GRM7: variants seen among roughly 807,000 people sequenced by gnomAD.
GRM7 encodes glutamate metabotropic receptor 7, also known as metabotropic glutamate receptor 7.
GRM7 carries 35 observed loss-of-function variants against 84.5 expected under a neutral mutation model. The ratio of observed to expected loss-of-function variants is 0.41; its 90% confidence interval spans 0.32 to 0.55. GRM7 has a LOEUF of 0.55. GRM7 is among the 20% of genes least tolerant of loss of function. The pLI is 0.19. For missense variants in GRM7, 1,003 were observed against 1,194.6 expected (o/e 0.84, Z 2.36); for synonymous variants, 487 against 455.1 (o/e 1.07, Z -0.89).
chr3:7,195,837 C>T (rs937317166), intron 2 of GRM7, among the ~76,000 whole-genome samples: 20 of 152,040 alleles, frequency 1.3e-4, no homozygotes, highest in African/African-American at 4.6e-4. Context: ...AAGGCAGTTA[C>T]CTACAGTGGC....
intron 8 of GRM7, among the ~76,000 whole-genome samples, chr3:7,632,349 C>T (rs1318238059): frequency 1.3e-5 from 2 of 152,224 alleles, no homozygotes; most frequent in Non-Finnish European, 2.9e-5. Flanking sequence ...TGTGATGGTG[C>T]TTTGCATGTT....
At chr3:7,269,473 C>T (rs931846263) in intron 2 of GRM7, among the ~76,000 whole-genome samples, 1 of 152,056 alleles carries the variant, frequency 6.6e-6, no homozygotes, top group Non-Finnish European at 1.5e-5. Flanking sequence ...TGTTTAATTG[C>T]TCTGGGTTGG....
chr3:7,447,628 G>A (rs937536635), intron 5 of GRM7, among the ~76,000 whole-genome samples: 3 of 152,072 alleles, frequency 2.0e-5, no homozygotes, highest in Admixed American at 1.3e-4. Context: ...GAGTAGTTGC[G>A]GGGTGCGTGG....
At chr3:7,148,532 C>A (rs1434415813) in intron 2 of GRM7, among the ~76,000 whole-genome samples, 1 of 152,042 alleles carries the variant, frequency 6.6e-6, no homozygotes, top group East Asian at 1.9e-4. Flanking sequence ...GCTTTCCTTG[C>A]CTTGGGATCA....
intron 2 of GRM7, among the ~76,000 whole-genome samples, chr3:7,233,566 G>C (rs1309825446): frequency 1.3e-5 from 2 of 152,060 alleles, no homozygotes; most frequent in Non-Finnish European, 2.9e-5. Context: ...GTCTGTAACA[G>C]CTATTTTGAA....
chr3:6,979,599 A>G (rs1694121168), intron 1 of GRM7, among the ~76,000 whole-genome samples: 1 of 152,238 alleles, frequency 6.6e-6, no homozygotes, highest in Admixed American at 6.5e-5. Flanking sequence ...AGATCACAGA[A>G]TAACAGTACT....
At chr3:7,681,776 C>A (rs958551289) in intron 9 of GRM7, 1 of 152,158 alleles carries the variant, frequency 6.6e-6, no homozygotes, top group Non-Finnish European at 1.5e-5. Context: ...ATTTACCAGC[C>A]ATGTGGCATT....
chr3:7,024,767 T>G (rs1575143371), intron 1 of GRM7, among the ~76,000 whole-genome samples: 1 of 152,202 alleles, frequency 6.6e-6, no homozygotes, highest in Admixed American at 6.5e-5. Context: ...GAAAATCTTC[T>G]CCTAGAACTG....
At chr3:7,632,444 A>T (rs1256972429) in intron 8 of GRM7, among the ~76,000 whole-genome samples, 1 of 152,236 alleles carries the variant, frequency 6.6e-6, no homozygotes, top group Non-Finnish European at 1.5e-5. Context: ...ATATGGGGAA[A>T]TTAATGTGCA....
chr3:7,428,940 A>G (rs1696719247), intron 5 of GRM7, among the ~76,000 whole-genome samples: 1 of 152,198 alleles, frequency 6.6e-6, no homozygotes, highest in South Asian at 2.1e-4. Context: ...GTTTGCAGGT[A>G]TGTTTAAAAC....
chr3:7,064,479 T>TATATATATGTATATATATATATATAC lies in GRM7; in HGVS notation c.520-81972_520-81971insTATATATGTATATATATATATATACA. On this transcript the variant is annotated intron_variant, in intron 1 of 9. Transcript: ENST00000357716. Reference sequence around the variant, plus strand: ...ATATATATACATATATATATATATATACACACATATACATATATATATACA... The same window carrying TATATATATGTATATATATATATATAC: ...ATATATATACATATATATATATATATATATATATGTATATATATATATATACACACACATATACATATATATATACA... Among the ~76,000 whole-genome samples, 15 of 99,380 alleles carry TATATATATGTATATATATATATATAC rather than the reference T, an allele frequency of 1.5e-4. 1 individual carries two copies. Among genetic ancestry groups the TATATATATGTATATATATATATATAC allele is most frequent in the African/African-American group, 5.4e-4 (14 of 25,722 alleles). 65.2% of individuals were successfully genotyped at this position (99,380 alleles called of 152,430 possible).
intron 2 of GRM7, among the ~76,000 whole-genome samples, chr3:7,192,037 T>C (rs917924023): frequency 6.6e-6 from 1 of 152,122 alleles, no homozygotes; most frequent in African/African-American, 2.4e-5. Context: ...CAGAACTCTC[T>C]ACTGAGAATG....
At chr3:7,321,288 A>C (rs560319833) in intron 4 of GRM7, among the ~76,000 whole-genome samples, 9 of 152,214 alleles carry the variant, frequency 5.9e-5, no homozygotes, top group Non-Finnish European at 1.2e-4. Flanking sequence ...TTAAATTTAG[A>C]TAAGAATCCT....
At chr3:7,610,472 A>AGGTATTTTTCATTTATGTTTTC (rs1696801305) in intron 8 of GRM7, among the ~76,000 whole-genome samples, 2 of 152,318 alleles carry the variant, frequency 1.3e-5, no homozygotes, top group South Asian at 4.1e-4. Context: ...TGGTGTCATA[A>AGGTATTTTTCATTTATGTTTTC]GGTATTTTTC....
intron 2 of GRM7, among the ~76,000 whole-genome samples, chr3:7,190,769 A>C (rs926512608): frequency 6.6e-6 from 1 of 152,076 alleles, no homozygotes; most frequent in Admixed American, 6.6e-5. Flanking sequence ...TGAAGCCTCA[A>C]TTAACTCACA....
At chr3:7,012,283 C>T (rs1695400567) in intron 1 of GRM7, among the ~76,000 whole-genome samples, 1 of 152,210 alleles carries the variant, frequency 6.6e-6, no homozygotes. Context: ...CTCAGCTCCA[C>T]ATCCTTGCCT....
intron 7 of GRM7, among the ~76,000 whole-genome samples, chr3:7,502,538 C>T (rs1289385918): frequency 1.3e-5 from 2 of 151,992 alleles, no homozygotes; most frequent in Non-Finnish European, 2.9e-5. Flanking sequence ...AAGCATAATT[C>T]GAAGATGAAA....
intron 1 of GRM7, among the ~76,000 whole-genome samples, chr3:6,902,418 A>G (rs1431273116): frequency 6.6e-6 from 1 of 152,150 alleles, no homozygotes; most frequent in African/African-American, 2.4e-5. Context: ...CAAAGCCCAA[A>G]TTTATAGATT....
intron 1 of GRM7, among the ~76,000 whole-genome samples, chr3:7,092,488 A>T (rs1308138364): frequency 6.6e-6 from 1 of 152,128 alleles, no homozygotes; most frequent in Non-Finnish European, 1.5e-5. Flanking sequence ...AGGTTTAAAT[A>T]AGCTAATCAA....
Sources: allele counts gnomAD v4.1 joint callset (sites outside exome capture counted in the v4.1 genomes callset), GRCh38; gene constraint gnomAD v4.1.1; transcripts MANE v1.5; gene names NCBI Gene and HGNC (gene_info 2026-07-23, HGNC 2026-07-21).